POU2F2: variants seen among roughly 807,000 people sequenced by gnomAD.
The protein encoded by POU2F2 is POU class 2 homeobox 2, also known as POU domain, class 2, transcription factor 2.
POU2F2 carries 14 observed loss-of-function variants against 63.5 expected under a neutral mutation model. The observed-to-expected ratio is 0.22, with a 90% CI of 0.15 to 0.34. The LOEUF is 0.34. POU2F2 is among the 10% of genes least tolerant of loss of function. The pLI, the probability that POU2F2 is intolerant of heterozygous loss-of-function variation, is 1.00. For synonymous variants in POU2F2, 306 were observed against 348.6 expected (o/e 0.88, Z 1.36); for missense variants, 607 against 815.2 (o/e 0.74, Z 3.11).
rs2034711790 is a variant in POU2F2 at position 42,169,317 on chromosome 19, T to C, written c.-70+6646A>G. 6.6e-6 allele frequency among the ~76,000 whole-genome samples: 1 copy of C among 152,326 alleles called. No homozygotes were observed. Among genetic ancestry groups the C allele is most frequent in the Non-Finnish European group, 1.5e-5 (1 of 68,020 alleles). Reference sequence around the variant, plus strand: ...AGTATTTCTATTCGTACATTTTCTATTGAAAAACAAATCTCCACACGAGGA... The same window carrying C: ...AGTATTTCTATTCGTACATTTTCTACTGAAAAACAAATCTCCACACGAGGA... On this transcript the variant is annotated intron_variant, in intron 1 of 6. Transcript: ENST00000524801. The surrounding 1 kb of genome is among the most constrained non-coding windows in gnomAD (Gnocchi z 4.3).
rs1029952962 is a variant in POU2F2, at chr19:42,088,475, G to C, written c.*2782C>G. On this transcript the variant is annotated 3_prime_UTR_variant, in exon 15 of 15. Transcript: ENST00000692977. ...GAGGAAGCAGGATGAAGTGGGTGGTGGTGAGTCCTGGATTTTCTTTCCTTT... is the reference window on the plus strand; with the variant it reads ...GAGGAAGCAGGATGAAGTGGGTGGTCGTGAGTCCTGGATTTTCTTTCCTTT... The C allele has an allele frequency of 1.7e-4, 25 of 151,422 alleles. No individual in the cohort carries two copies. Among genetic ancestry groups the C allele is most frequent in the African/African-American group, 5.6e-4 (23 of 41,208 alleles). 9.4% of individuals were successfully genotyped at this position (151,422 alleles called of 1,614,324 possible). A position where few individuals can be genotyped will look rare whatever the true frequency, so the allele number is the denominator to read the frequency against.
upstream of POU2F2, among the ~76,000 whole-genome samples, chr19:42,180,550 A>G (rs556327219): frequency 1.3e-5 from 2 of 152,258 alleles, no homozygotes; most frequent in African/African-American, 4.8e-5. Flanking sequence ...CTAGAAGGGA[A>G]GCAGGGACAG....
intron 2 of POU2F2, among the ~76,000 whole-genome samples, chr19:42,145,413 C>A (rs2034210216): frequency 6.6e-6 from 1 of 152,308 alleles, no homozygotes; most frequent in Non-Finnish European, 1.5e-5. Context: ...CCACAGAGGG[C>A]CCTGCCTACA....
intron 1 of POU2F2, among the ~76,000 whole-genome samples, chr19:42,130,890 A>G (rs971191134): frequency 8.6e-5 from 10 of 116,784 alleles, no homozygotes; most frequent in Admixed American, 2.8e-4. Flanking sequence ...ATGTCCCCCT[A>G]TCCCAGCCCT....
intron 1 of POU2F2, among the ~76,000 whole-genome samples, chr19:42,187,789 C>A (rs555153390): frequency 6.9e-6 from 1 of 144,606 alleles, no homozygotes; most frequent in East Asian, 2.0e-4. Context: ...AACAGGTGGG[C>A]AGAGAAATGA....
rs747368949 is a variant in POU2F2 at position 42,095,515 on chromosome 19, T to G, written c.1020+30A>C. 108 of 1,602,452 alleles carry G rather than the reference T, an allele frequency of 6.7e-5. No individual in the cohort carries two copies. The highest frequency in any genetic ancestry group is 9.0e-5 in the Non-Finnish European group (106 of 1,174,528). On this transcript the variant is annotated intron_variant, in intron 10 of 14. Transcript: ENST00000692977. This position sits in a 1 kb window ranked among gnomAD's most constrained non-coding sequence, Gnocchi z 7.1. The stretch of plus-strand genomic sequence containing the variant: ...GGCCCACCGCCCGCCACCCCTCAGG[T>G]GAGGGCCACCCAGGAGAGGGGGGCC...
intron 5 of POU2F2, 47 bp from the exon 6 acceptor site, chr19:42,099,868 G>C: frequency 6.9e-7 from 1 of 1,452,890 alleles, no homozygotes; most frequent in Admixed American, 2.0e-5. Flanking sequence ...GTCCTGGCTG[G>C]GTTTCATCCT....
At chr19:42,125,211 T>G (rs561673119) in intron 1 of POU2F2, among the ~76,000 whole-genome samples, 3 of 151,842 alleles carry the variant, frequency 2.0e-5, no homozygotes, top group Non-Finnish European at 4.4e-5. Flanking sequence ...ATAAAAAAGT[T>G]AACCGGACAT....
chr19:42,163,034 TAA>T (rs965965260), intron 1 of POU2F2, among the ~76,000 whole-genome samples: 7 of 151,810 alleles, frequency 4.6e-5, no homozygotes, highest in African/African-American at 1.7e-4. Context: ...CTCAGACAGG[TAA>T]AGTCACTTGC....
At chr19:42,185,765 G>T (rs1228891461) in intron 1 of POU2F2, among the ~76,000 whole-genome samples, 1 of 152,094 alleles carries the variant, frequency 6.6e-6, no homozygotes, top group East Asian at 1.9e-4. Context: ...AGGTACCGGG[G>T]ACACAAAGGG....
In POU2F2 at chr19:42,155,227, C is replaced by T. The variant is rs2034435420; in HGVS notation, c.-9+5105G>A. ...CTGATGCACTCTCATGCGCTCAGCTCGCATGCACGCGCCCTCTCTTTCTCT... is the reference window on the plus strand; with the variant it reads ...CTGATGCACTCTCATGCGCTCAGCTTGCATGCACGCGCCCTCTCTTTCTCT... On this transcript the variant is annotated intron_variant, in intron 2 of 6. Coordinates refer to the POU2F2 transcript ENST00000524801. This position sits in a 1 kb window ranked among gnomAD's most constrained non-coding sequence, Gnocchi z 4.2. Among the ~76,000 whole-genome samples the T allele has an allele frequency of 6.6e-6, 1 of 152,256 alleles. No individual in the cohort carries two copies. Among genetic ancestry groups the T allele is most frequent in the Admixed American group, 6.5e-5 (1 of 15,290 alleles).
chr19:42,129,048 G>C (rs139955966), intron 1 of POU2F2, among the ~76,000 whole-genome samples: 46 of 152,080 alleles, frequency 3.0e-4, no homozygotes, highest in African/African-American at 1.1e-3. Flanking sequence ...GGGCAGGCTG[G>C]TCTCGAACTC....
In POU2F2 at chr19:42,152,274, G is replaced by A. The variant is rs907274072; in HGVS notation, c.-9+8058C>T. On this transcript the variant is annotated intron_variant, in intron 2 of 6. Coordinates refer to the POU2F2 transcript ENST00000524801. This position sits in a 1 kb window ranked among gnomAD's most constrained non-coding sequence, Gnocchi z 4.1. The stretch of plus-strand genomic sequence containing the variant: ...CCTATGAAGGCTGAGGTGACTCTCG[G>A]GGAGAGGGCCGCAGCGAAGAAGAAG... Among the ~76,000 whole-genome samples the A allele has an allele frequency of 6.6e-6, 1 of 152,142 alleles. No homozygotes were observed. Among genetic ancestry groups the A allele is most frequent in the Admixed American group, 6.5e-5 (1 of 15,284 alleles).
chr19:42,100,097 T>C (rs1168338423), intron 5 of POU2F2, among the ~76,000 whole-genome samples: 2 of 125,338 alleles, frequency 1.6e-5, no homozygotes, highest in South Asian at 3.1e-4. Flanking sequence ...TTTTTTTTTT[T>C]TTTTTTTTTT....
intron 1 of POU2F2, among the ~76,000 whole-genome samples, chr19:42,174,543 C>T (rs1172302538): frequency 6.6e-6 from 1 of 152,186 alleles, no homozygotes; most frequent in African/African-American, 2.4e-5. Flanking sequence ...ACATATGTCA[C>T]CCATGATGGG....
intron 1 of POU2F2, among the ~76,000 whole-genome samples, chr19:42,194,386 A>G (rs1210355097): frequency 6.6e-6 from 1 of 152,090 alleles, no homozygotes; most frequent in African/African-American, 2.4e-5. Context: ...TGTTGAAAGA[A>G]GCAAAAGAAA....
At position 42,169,213 on chromosome 19, in the gene POU2F2, C is replaced by T. The variant is rs2034709292; in HGVS notation, c.-70+6750G>A. On this transcript the variant is annotated intron_variant, in intron 1 of 6. Coordinates refer to the POU2F2 transcript ENST00000524801. The surrounding 1 kb of genome is among the most constrained non-coding windows in gnomAD (Gnocchi z 4.3). Reference sequence around the variant, plus strand: ...CAGGGCATGGCCCTTTCGGTCACCACGTGTGGCCTCCCTGTGGGATTTCTG... The same window carrying T: ...CAGGGCATGGCCCTTTCGGTCACCATGTGTGGCCTCCCTGTGGGATTTCTG... Among the ~76,000 whole-genome samples the T allele has an allele frequency of 1.3e-5, 2 of 152,236 alleles. No individual in the cohort carries two copies. Among genetic ancestry groups the T allele is most frequent in the South Asian group, 4.1e-4 (2 of 4,834 alleles).
At chr19:42,194,306 CAGG>C (rs2035105277) in intron 1 of POU2F2, among the ~76,000 whole-genome samples, 1 of 152,066 alleles carries the variant, frequency 6.6e-6, no homozygotes, top group African/African-American at 2.4e-5. Flanking sequence ...TGCTTGAGCC[CAGG>C]AGTTTGAGGT....
chr19:42,123,570 T>A (rs2032894683), intron 1 of POU2F2, among the ~76,000 whole-genome samples: 1 of 152,144 alleles, frequency 6.6e-6, no homozygotes, highest in African/African-American at 2.4e-5. Context: ...CACGAAGGGA[T>A]GTCACCTCCC....
Sources: allele counts gnomAD v4.1 joint callset (sites outside exome capture counted in the v4.1 genomes callset), GRCh38; gene constraint gnomAD v4.1.1; non-coding constraint Gnocchi (gnomAD v3.1); transcripts MANE v1.5; gene names NCBI Gene and HGNC (gene_info 2026-07-23, HGNC 2026-07-21).